Variants in USP4 observed in about 807,000 individuals in gnomAD.
The protein encoded by USP4 is ubiquitin specific peptidase 4.
A neutral mutation model predicts 118.2 loss-of-function variants in USP4; 72 were observed. That is an observed-to-expected ratio of 0.61 (90% confidence interval 0.50 to 0.74). USP4 has a LOEUF of 0.74. Ranked by LOEUF, USP4 falls within the 30% of genes least tolerant of loss-of-function variation. The pLI is 0.00. For missense variants in USP4, 1,037 were observed against 1,185.7 expected, an observed-to-expected ratio of 0.87 and a Z score of 1.84; for synonymous variants, 415 against 440.4, an observed-to-expected ratio of 0.94 and a Z score of 0.72.
At chr3:49,285,364 C>A (rs1181936611) in intron 16 of USP4, among the ~76,000 whole-genome samples, 1 of 151,636 alleles carries the variant, frequency 6.6e-6, no homozygotes, top group African/African-American at 2.4e-5. Context: ...GTTTCCAGGA[C>A]TTAGCATAGG....
rs56699238 is a variant in USP4 at position 49,277,401 on chromosome 3, A to T, written c.*892T>A. The T allele has an allele frequency of 4.0e-3, 1,515 of 374,312 alleles. 27 individuals carry two copies. Among genetic ancestry groups the T allele is most frequent in the African/African-American group, 0.03 (1,405 of 46,168 alleles). 23.2% of individuals were successfully genotyped at this position (374,312 alleles called of 1,614,324 possible). On this transcript the variant is annotated 3_prime_UTR_variant, in exon 22 of 22. Coordinates refer to ENST00000265560, the MANE Select transcript of USP4 (RefSeq NM_003363.4). Reference sequence around the variant, plus strand: ...GGCCCCGGGAAGAGTCTTGGCAGGGATGAGGAAAGAACCCGTTCTAGAAAG... The same window carrying T: ...GGCCCCGGGAAGAGTCTTGGCAGGGTTGAGGAAAGAACCCGTTCTAGAAAG...
intron 6 of USP4, among the ~76,000 whole-genome samples, chr3:49,319,141 CAA>C (rs559088103): frequency 4.4e-4 from 50 of 112,596 alleles, no homozygotes; most frequent in Admixed American, 3.8e-4. Flanking sequence ...GACTGCATCT[CAA>C]AAAAAAAAAA....
intron 6 of USP4, among the ~76,000 whole-genome samples, chr3:49,315,877 C>A (rs1016446166): frequency 1.3e-5 from 2 of 152,158 alleles, no homozygotes; most frequent in Non-Finnish European, 2.9e-5. Flanking sequence ...GTTCTCCAGA[C>A]TGAATGCTGC....
At chr3:49,338,916 G>C (rs2047701596) in intron 1 of USP4, among the ~76,000 whole-genome samples, 1 of 152,158 alleles carries the variant, frequency 6.6e-6, no homozygotes, top group Non-Finnish European at 1.5e-5. Flanking sequence ...GGGAGGCCGA[G>C]GCGGGTGGAT....
chr3:49,338,436 A>C lies in USP4; in HGVS notation c.101+1488T>G, dbSNP rs534996556. On this transcript the variant is annotated intron_variant, in intron 1 of 21. Transcript: ENST00000265560. ...GCACTTTGGGAGGCCACAGCGGGCGATCACCTGAGATCTGGAATTCGAGAC... is the reference window on the plus strand; with the variant it reads ...GCACTTTGGGAGGCCACAGCGGGCGCTCACCTGAGATCTGGAATTCGAGAC... Among the ~76,000 whole-genome samples the C allele has an allele frequency of 2.4e-4, 36 of 150,796 alleles. No individual in the cohort carries two copies. The South Asian group carries it at 7.6e-3, about 32-fold the overall frequency.
At chr3:49,293,239 A>T (rs769717035) in intron 14 of USP4, among the ~76,000 whole-genome samples, 10 of 152,056 alleles carry the variant, frequency 6.6e-5, no homozygotes, top group Non-Finnish European at 1.2e-4. Context: ...TTGGCCAGGC[A>T]CGGTGGCTCA....
At chr3:49,339,144 T>C (rs187702197) in intron 1 of USP4, among the ~76,000 whole-genome samples, 34 of 152,250 alleles carry the variant, frequency 2.2e-4, no homozygotes, top group Non-Finnish European at 4.7e-4. Flanking sequence ...TGAAACTCCA[T>C]CTCAAAACAA....
At chr3:49,303,760 A>T (rs1454854196) in intron 9 of USP4, among the ~76,000 whole-genome samples, 1 of 148,114 alleles carries the variant, frequency 6.8e-6, no homozygotes, top group South Asian at 2.2e-4. Context: ...ATTCTTTTTT[A>T]TTTTTTTTTC....
In USP4 at chr3:49,277,382, G is replaced by A. The variant is rs2046974758; in HGVS notation, c.*911C>T. On this transcript the variant is annotated 3_prime_UTR_variant, in exon 22 of 22. Coordinates refer to ENST00000265560, the MANE Select transcript of USP4 (RefSeq NM_003363.4). ...GACGGGGCTTTCGAATGGGGGCCCC[G>A]GGAAGAGTCTTGGCAGGGATGAGGA... is the stretch of plus-strand genomic sequence containing the variant. 1 of 484,736 alleles carries A rather than the reference G, an allele frequency of 2.1e-6. No homozygotes were observed. The allele number at this position is 484,736 out of a possible 1,614,324, so 30.0% of individuals were successfully genotyped here.
At chr3:49,309,217 C>T (rs547227006) in intron 8 of USP4, among the ~76,000 whole-genome samples, 186 of 152,034 alleles carry the variant, frequency 1.2e-3, no homozygotes, top group Non-Finnish European at 2.1e-3. Context: ...AAGTAAATTC[C>T]GTGACTCCTT....
intron 15 of USP4, among the ~76,000 whole-genome samples, chr3:49,289,716 C>T (rs1410438598): frequency 6.6e-6 from 1 of 151,462 alleles, no homozygotes; most frequent in Non-Finnish European, 1.5e-5. Context: ...ACTAAAAATA[C>T]AAAAATTAGC....
chr3:49,278,486 T>C, intron 21 of USP4, 35 bp from the exon 22 acceptor site: 1 of 1,599,382 alleles, frequency 6.3e-7, no homozygotes, highest in Non-Finnish European at 8.5e-7. Flanking sequence ...CATTCAGTGC[T>C]TGGAAAAATC....
chr3:49,282,360 T>C (rs1195285804), intron 19 of USP4, among the ~76,000 whole-genome samples: 54 of 151,540 alleles, frequency 3.6e-4, no homozygotes, highest in Non-Finnish European at 3.8e-4. Flanking sequence ...CTGCAACCTC[T>C]GCCTCTTGGG....
chr3:49,328,792 G>A (rs1405509335), intron 2 of USP4, among the ~76,000 whole-genome samples: 1 of 152,002 alleles, frequency 6.6e-6, no homozygotes, highest in Non-Finnish European at 1.5e-5. Context: ...CCCAGGAGGT[G>A]GAGACTGCAG....
At chr3:49,317,652 C>T (rs1288812697) in intron 6 of USP4, among the ~76,000 whole-genome samples, 1 of 150,576 alleles carries the variant, frequency 6.6e-6, no homozygotes, top group African/African-American at 2.4e-5. Context: ...CATCATTCTC[C>T]TGCCTCAGCC....
At position 49,308,950 on chromosome 3, in the gene USP4, T is replaced by C. The variant is rs113204360; in HGVS notation, c.954+1670A>G. Among the ~76,000 whole-genome samples the C allele has an allele frequency of 6.8e-5, 10 of 147,790 alleles. 1 individual carries two copies. Among genetic ancestry groups the C allele is most frequent in the South Asian group, 2.1e-4 (1 of 4,706 alleles). ...GGGAGGCTGAGGCATGAGAATTGCT[T>C]AAACCCAGGAGGTGGAGGTTGCAGT... On this transcript the variant is annotated intron_variant, in intron 8 of 21. Transcript: ENST00000265560.
chr3:49,302,658 C>G (rs963013471), intron 9 of USP4, 116 bp from the exon 10 acceptor site: 1 of 1,020,482 alleles, frequency 9.8e-7, no homozygotes, highest in Non-Finnish European at 1.4e-6. Context: ...AGAGAGAACA[C>G]TTGGTTGAGT....
In USP4 at chr3:49,284,534, G is replaced by T. The variant is rs1341618068; in HGVS notation, c.2322C>A (p.Thr774=). 6.2e-7 allele frequency: 1 copy of T among 1,614,072 alleles called. No homozygotes were observed. The highest frequency in any genetic ancestry group is 1.1e-5 in the South Asian group (1 of 91,070). The change falls in exon 18 of 22, where the codon ACC becomes ACA. Residue 774 remains threonine (T), a synonymous_variant. Transcript: ENST00000265560. ...CGATGCAGTCTCTCAGGGCCACTGT[G>T]GTCTTCTTCTTCTTCTGAGGCTGCA... ...SMLQPQKKKK[T]TVALRDCIEL...
chr3:49,338,439 AC>A (rs1246269742), intron 1 of USP4, among the ~76,000 whole-genome samples: 1 of 150,952 alleles, frequency 6.6e-6, no homozygotes, highest in Non-Finnish European at 1.5e-5. Context: ...GCGGGCGATC[AC>A]CTGAGATCTG....
Sources: gnomAD v4.1 joint callset for allele counts (sites outside exome capture counted in the v4.1 genomes callset) on GRCh38, gnomAD v4.1.1 for gene constraint, MANE v1.5 for transcripts, NCBI Gene and HGNC (gene_info 2026-07-23, HGNC 2026-07-21) for gene names.